Variants in GAREM1 observed in about 807,000 individuals in gnomAD.
GAREM1 encodes GRB2 associated regulator of MAPK1 subtype 1, also known as GRB2-associated and regulator of MAPK protein 1.
GAREM1 carries 26 observed loss-of-function variants against 71.3 expected under a neutral mutation model. The ratio of observed to expected loss-of-function variants is 0.36; its 90% CI spans 0.27 to 0.51. The LOEUF is 0.51. Ranked by LOEUF, GAREM1 falls within the 20% of genes least tolerant of loss-of-function variation. The pLI, the probability that GAREM1 is intolerant of heterozygous loss-of-function variation, is 0.95. For missense variants in GAREM1, 1,026 were observed against 1,103.1 expected (o/e 0.93, Z 0.99); for synonymous variants, 440 against 433.2 (o/e 1.02, Z -0.20).
rs1039168297 is a variant in GAREM1 at position 32,331,350 on chromosome 18, T to C, written c.263-21027A>G. 3.9e-5 allele frequency among the ~76,000 whole-genome samples: 6 copies of C among 152,324 alleles called. No homozygotes were observed. The South Asian group carries it at 1.0e-3, about 26-fold the overall frequency. Reference sequence around the variant, plus strand: ...GATCAAGATGAAATTATTAGCCATATGGAAGGAGGTAAAAACTACTAAAAT... The same window carrying C: ...GATCAAGATGAAATTATTAGCCATACGGAAGGAGGTAAAAACTACTAAAAT... On this transcript the variant is annotated intron_variant, in intron 2 of 5. Transcript: ENST00000269209.
chr18:32,270,365 G>A lies in GAREM1; in HGVS notation c.1585C>T (p.Leu529Phe). Residue 529 changes from leucine (L) to phenylalanine (F), a missense_variant, in exon 5 of 6, where the codon CTC (leucine) becomes TTC (phenylalanine). Physicochemically the swap from Leu to Phe is conservative, Grantham distance 22. Transcript: ENST00000269209. ...GGTGGAACAGGTGGGGCGTTCAGGA[G>A]CCGGCATTCTTCTCTGACCTGGCGC... ...KSEAVREECR[L>F]LNAPPVPPRS... 2.5e-6 allele frequency: 4 copies of A among 1,613,120 alleles called. No individual in the cohort carries two copies. Among genetic ancestry groups the A allele is most frequent in the Non-Finnish European group, 3.4e-6 (4 of 1,179,742 alleles).
At position 32,263,551 on chromosome 18, in the gene GAREM1, T is replaced by C. The variant is rs1302843063; in HGVS notation, c.*4320A>G. 6.6e-6 allele frequency: 1 copy of C among 152,162 alleles called. No homozygotes were observed. Among genetic ancestry groups the C allele is most frequent in the Non-Finnish European group, 1.5e-5 (1 of 68,030 alleles). The allele number at this position is 152,162 out of a possible 1,614,324, so 9.4% of individuals were successfully genotyped here. Reference sequence around the variant, plus strand: ...TTTGAAAATTTCTTTATTACAGACATTTCAGAACCATTTAAATCAACAGAC... The same window carrying C: ...TTTGAAAATTTCTTTATTACAGACACTTCAGAACCATTTAAATCAACAGAC... On this transcript the variant is annotated 3_prime_UTR_variant, in exon 6 of 6. Coordinates refer to ENST00000269209, the MANE Select transcript of GAREM1 (RefSeq NM_001242409.2).
At position 32,386,585 on chromosome 18, in the gene GAREM1, T is replaced by C. The variant is rs1038723393; in HGVS notation, c.262+6310A>G. Among the ~76,000 whole-genome samples, 4 of 152,330 alleles carry C rather than the reference T, an allele frequency of 2.6e-5. 1 individual carries two copies. In the East Asian group the frequency reaches 5.8e-4, roughly 22 times the overall value. ...AAACGCGGCTGGAGTTTATCTCAGA[T>C]GCTTATGTTCAAGTAGCAATCTGTT... On this transcript the variant is annotated intron_variant, in intron 2 of 5. Coordinates refer to ENST00000269209, the MANE Select transcript of GAREM1 (RefSeq NM_001242409.2).
intron 1 of GAREM1, among the ~76,000 whole-genome samples, chr18:32,399,509 G>A (rs545322666): frequency 1.3e-5 from 2 of 152,256 alleles, no homozygotes; most frequent in South Asian, 4.1e-4. Flanking sequence ...AAAATCACAA[G>A]CATTCTTATA....
At chr18:32,390,175 C>T (rs2048182432) in intron 2 of GAREM1, among the ~76,000 whole-genome samples, 1 of 151,988 alleles carries the variant, frequency 6.6e-6, no homozygotes, top group African/African-American at 2.4e-5. Flanking sequence ...TGTTTCAAAA[C>T]AAACAAACAA....
At chr18:32,446,954 A>T (rs2144284871) in intron 1 of GAREM1, among the ~76,000 whole-genome samples, 1 of 152,330 alleles carries the variant, frequency 6.6e-6, no homozygotes, top group South Asian at 2.1e-4. Context: ...GCAGTATCTT[A>T]TTAAAGAACG....
chr18:32,445,163 A>T (rs562294436), intron 1 of GAREM1, among the ~76,000 whole-genome samples: 2 of 151,814 alleles, frequency 1.3e-5, no homozygotes, highest in South Asian at 4.2e-4. Context: ...TTACTTTTCC[A>T]CTCCCCAACA....
At chr18:32,339,829 C>T (rs1010587500) in intron 2 of GAREM1, among the ~76,000 whole-genome samples, 1 of 152,196 alleles carries the variant, frequency 6.6e-6, no homozygotes, top group Non-Finnish European at 1.5e-5. Context: ...TCTTCACATC[C>T]ACTCCACACA....
intron 4 of GAREM1, among the ~76,000 whole-genome samples, chr18:32,281,225 C>G (rs541236057): frequency 6.6e-6 from 1 of 152,168 alleles, no homozygotes; most frequent in East Asian, 1.9e-4. Context: ...CAATGCTGCA[C>G]GCCTCTAATT....
chr18:32,296,177 G>A (rs1161156181), intron 3 of GAREM1, among the ~76,000 whole-genome samples: 1 of 152,006 alleles, frequency 6.6e-6, no homozygotes, highest in East Asian at 1.9e-4. Context: ...TGGCCAGGGT[G>A]GTCTTGAACT....
At chr18:32,292,549 C>T (rs1018249235) in intron 3 of GAREM1, among the ~76,000 whole-genome samples, 1 of 152,124 alleles carries the variant, frequency 6.6e-6, no homozygotes, top group Non-Finnish European at 1.5e-5. Flanking sequence ...AGGACGGGAC[C>T]AGGTGAAGAT....
In GAREM1 at chr18:32,268,204, CT is replaced by C; in HGVS notation, c.2297del (p.Gln766ArgfsTer48). ...KSGSPDLSED[Q>X]YFVKKGMQDI... ...CCTGCATGCCCTTTTTAACAAAATA[CT>C]GGTCCTCCGAGAGATCTGGTGACCC... On this transcript the variant is annotated frameshift_variant, in exon 6 of 6. Coordinates refer to ENST00000269209, the MANE Select transcript of GAREM1 (RefSeq NM_001242409.2). LOFTEE classifies it high-confidence loss of function. 1 of 1,614,156 alleles carries C rather than the reference CT, an allele frequency of 6.2e-7. No individual in the cohort carries two copies. The highest frequency in any genetic ancestry group is 8.5e-7 in the Non-Finnish European group (1 of 1,180,020).
At chr18:32,363,925 A>T (rs1223924735) in intron 2 of GAREM1, among the ~76,000 whole-genome samples, 11 of 131,066 alleles carry the variant, frequency 8.4e-5, no homozygotes, top group African/African-American at 2.9e-4. Context: ...CACATAAAAA[A>T]ATATATATAC....
At chr18:32,375,803 A>G (rs2048025406) in intron 2 of GAREM1, among the ~76,000 whole-genome samples, 1 of 150,280 alleles carries the variant, frequency 6.7e-6, no homozygotes, top group Non-Finnish European at 1.5e-5. Flanking sequence ...TTTGCTCAAG[A>G]TTCAGTACTG....
chr18:32,446,472 T>C (rs1233201402), intron 1 of GAREM1, among the ~76,000 whole-genome samples: 1 of 152,118 alleles, frequency 6.6e-6, no homozygotes, highest in African/African-American at 2.4e-5. Context: ...TAAGAGGGCA[T>C]AAGAAATGCA....
In GAREM1 at chr18:32,287,979, G is replaced by A. The variant is rs779696744; in HGVS notation, c.618C>T (p.Asn206=). 1.5e-5 allele frequency: 24 copies of A among 1,614,002 alleles called. No homozygotes were observed. Among genetic ancestry groups the A allele is most frequent in the South Asian group, 4.4e-5 (4 of 91,072 alleles). The change falls in exon 4 of 6, where the codon AAC becomes AAT. Residue 206 remains asparagine (N), a synonymous_variant. Coordinates refer to ENST00000269209, the MANE Select transcript of GAREM1 (RefSeq NM_001242409.2). The surrounding 1 kb of genome is among the most constrained non-coding windows in gnomAD (Gnocchi z 5.9). ...ACTGGAATGGAAGGCTAATGCTTTC[G>A]TTGGTCCGGTGATTCATACAAATGA... is the stretch of plus-strand genomic sequence containing the variant. ...PCLICMNHRT[N]ESISLPFQCK...
Position 32,268,653 on chromosome 18 carries a change from C to T in GAREM1, c.1849G>A (p.Ala617Thr). The T allele has an allele frequency of 6.2e-7, 1 of 1,614,184 alleles. No individual in the cohort carries two copies. Among genetic ancestry groups the T allele is most frequent in the East Asian group, 2.2e-5 (1 of 44,886 alleles). Residue 617 changes from alanine (A) to threonine (T), a missense_variant, in exon 6 of 6, where the codon GCT becomes ACT. Physicochemically the swap from Ala to Thr is moderately conservative, Grantham distance 58 (BLOSUM62 0). Coordinates refer to ENST00000269209, the MANE Select transcript of GAREM1 (RefSeq NM_001242409.2). ...GAGAGCCGAGAGGACACAGCTTCAG[C>T]AGAAGGACTTCCAAACGGGGATTTC... ...DLKSPFGSPSAEAVSSRLSWP... is the reference protein window; with the variant it reads ...DLKSPFGSPSTEAVSSRLSWP...
intron 2 of GAREM1, among the ~76,000 whole-genome samples, chr18:32,346,954 G>A (rs969353330): frequency 6.6e-6 from 1 of 152,128 alleles, no homozygotes; most frequent in African/African-American, 2.4e-5. Flanking sequence ...CCAACTCAGT[G>A]CAATTCACTC....
At chr18:32,411,969 C>T (rs982515443) in intron 1 of GAREM1, among the ~76,000 whole-genome samples, 31 of 151,714 alleles carry the variant, frequency 2.0e-4, no homozygotes, top group African/African-American at 6.5e-4. Flanking sequence ...TACATTAAAA[C>T]GCTTTGTTGG....
Sources: allele counts gnomAD v4.1 joint callset (sites outside exome capture counted in the v4.1 genomes callset), GRCh38; gene constraint gnomAD v4.1.1; non-coding constraint Gnocchi (gnomAD v3.1); transcripts MANE v1.5; gene names NCBI Gene and HGNC (gene_info 2026-07-23, HGNC 2026-07-21).